FRYL: variants seen among roughly 807,000 people sequenced by gnomAD.
FRYL encodes the protein protein furry homolog-like.
In FRYL, 150 loss-of-function variants were observed where a neutral mutation model predicts 351.2. That is an observed-to-expected ratio of 0.43 (90% CI 0.37 to 0.49). FRYL has a LOEUF of 0.49. Among genes scored for constraint, FRYL ranks in the 20% least tolerant of loss-of-function variants. The probability of loss-of-function intolerance (pLI) is 0.00; values close to 1 mark genes in which losing one functional copy is unlikely to be tolerated. For synonymous variants in FRYL, 1,153 were observed against 1,257.1 expected (o/e 0.92, Z 1.75); for missense variants, 3,036 against 3,619.3 (o/e 0.84, Z 4.13).
intron 4 of FRYL, among the ~76,000 whole-genome samples, chr4:48,625,563 A>G (rs1015546380): frequency 6.6e-5 from 10 of 152,248 alleles, no homozygotes; most frequent in African/African-American, 2.4e-4. Flanking sequence ...CTATTTCTAT[A>G]GCATTTACAT....
At chr4:48,718,057 C>T (rs1351020133) in intron 1 of FRYL, among the ~76,000 whole-genome samples, 1 of 151,620 alleles carries the variant, frequency 6.6e-6, no homozygotes, top group Non-Finnish European at 1.5e-5. Flanking sequence ...AGACAAGCAA[C>T]AAGTTCTGAG....
intron 44 of FRYL, among the ~76,000 whole-genome samples, 191 bp from the exon 45 acceptor site, chr4:48,542,312 T>C (rs1453112100): frequency 4.6e-5 from 7 of 152,230 alleles, no homozygotes; most frequent in Non-Finnish European, 1.0e-4. Context: ...ATTGTAATGG[T>C]GCCACAATTT....
intron 1 of FRYL, among the ~76,000 whole-genome samples, chr4:48,748,164 T>C (rs948718061): frequency 1.3e-5 from 2 of 152,092 alleles, no homozygotes; most frequent in Non-Finnish European, 2.9e-5. Flanking sequence ...GGGGATCATT[T>C]GAACCTGGGA....
chr4:48,513,103 G>C (rs1722823796), intron 56 of FRYL, among the ~76,000 whole-genome samples: 1 of 152,158 alleles, frequency 6.6e-6, no homozygotes, highest in African/African-American at 2.4e-5. Context: ...TAAGGGCTAT[G>C]TTAGGGGCCT....
At chr4:48,755,957 G>A (rs1029722459) in intron 1 of FRYL, among the ~76,000 whole-genome samples, 4 of 151,648 alleles carry the variant, frequency 2.6e-5, no homozygotes, top group Non-Finnish European at 4.4e-5. Flanking sequence ...AAGAGGCCAG[G>A]TTTGGTGGCT....
intron 3 of FRYL, among the ~76,000 whole-genome samples, chr4:48,681,456 T>C (rs975066892): frequency 5.9e-5 from 9 of 152,150 alleles, no homozygotes; most frequent in African/African-American, 1.9e-4. Flanking sequence ...TTTTGAAAAC[T>C]TTCACTGTGA....
At chr4:48,634,636 T>C (rs1022524785) in intron 3 of FRYL, 146 bp from the exon 4 acceptor site, 1 of 520,724 alleles carries the variant, frequency 1.9e-6, no homozygotes, top group Non-Finnish European at 3.4e-6. Context: ...TGTCTATTTC[T>C]AACATACTAA....
chr4:48,730,385 A>C (rs561098539), intron 1 of FRYL, among the ~76,000 whole-genome samples: 2 of 152,300 alleles, frequency 1.3e-5, no homozygotes, highest in South Asian at 2.1e-4. Flanking sequence ...ACAGAGAACA[A>C]CACAAAGATA....
chr4:48,636,599 C>T (rs1360197126), intron 3 of FRYL, among the ~76,000 whole-genome samples: 1 of 151,776 alleles, frequency 6.6e-6, no homozygotes, highest in Non-Finnish European at 1.5e-5. Flanking sequence ...TAAAGCATAA[C>T]CAAATATTCC....
chr4:48,531,172 T>C lies in FRYL; in HGVS notation c.6887A>G (p.His2296Arg), dbSNP rs1319797599. 6.3e-6 allele frequency: 10 copies of C among 1,599,960 alleles called. No individual in the cohort carries two copies. The highest frequency in any genetic ancestry group is 8.6e-6 in the Non-Finnish European group (10 of 1,168,134). The stretch of plus-strand genomic sequence containing the variant: ...GCATCTTACCTCAGATATATCAAAA[T>C]GAAAATCTAAGGTCTTCCCAGGCAA... ...KELPGKTLDF[H>R]FDISETPIIG... Residue 2296 changes from histidine to arginine, a missense_variant, in exon 50 of 64, where the codon CAT becomes CGT. Around this residue, in one of 7 missense-constraint regions of FRYL, gnomAD observed 1,987 missense variants for 2,311.7 expected, o/e 0.86. Coordinates refer to ENST00000358350, the MANE Select transcript of FRYL (RefSeq NM_015030.2).
chr4:48,565,758 T>C (rs1296535588), intron 28 of FRYL, 67 bp from the exon 29 acceptor site: 6 of 1,426,374 alleles, frequency 4.2e-6, no homozygotes, highest in Middle Eastern at 1.8e-4. Context: ...TATACCAACA[T>C]GTTATTGAAT....
intron 13 of FRYL, among the ~76,000 whole-genome samples, chr4:48,597,791 C>G (rs774964936): frequency 6.6e-6 from 1 of 152,060 alleles, no homozygotes; most frequent in Non-Finnish European, 1.5e-5. Flanking sequence ...CATGAAAAAA[C>G]TTGATTTTCA....
At chr4:48,754,509 A>G (rs1773571451) in intron 1 of FRYL, among the ~76,000 whole-genome samples, 2 of 152,144 alleles carry the variant, frequency 1.3e-5, no homozygotes, top group African/African-American at 4.8e-5. Flanking sequence ...TACCTAGGGT[A>G]GAATATTTGA....
chr4:48,734,682 G>C (rs79571128), intron 1 of FRYL, among the ~76,000 whole-genome samples: 1 of 152,232 alleles, frequency 6.6e-6, no homozygotes, highest in East Asian at 1.9e-4. Flanking sequence ...ATAAAAATAC[G>C]TTTAAATCTT....
intron 23 of FRYL, among the ~76,000 whole-genome samples, chr4:48,576,775 TA>T (rs1739712162): frequency 6.6e-6 from 1 of 152,232 alleles, no homozygotes; most frequent in Admixed American, 6.5e-5. Context: ...CCATATTTTA[TA>T]ACTTACTATG....
intron 1 of FRYL, among the ~76,000 whole-genome samples, chr4:48,752,402 C>G (rs1773342293): frequency 1.4e-5 from 1 of 73,578 alleles, no homozygotes; most frequent in South Asian, 4.4e-4. Flanking sequence ...AAAGTATAAT[C>G]ACAATCTGAT....
Position 48,614,815 on chromosome 4 carries a change from CTTTTTTTTT to C in FRYL, c.411+4450_411+4458del, listed in dbSNP as rs369399363. ...CACTACCACTGCCAAAAGTTTAATG[CTTTTTTTTT>C]TTTTTTTTTTTTTTTTTTTTGAGAC... On this transcript the variant is annotated intron_variant, in intron 7 of 63. Transcript: ENST00000358350. 4.0e-4 allele frequency among the ~76,000 whole-genome samples: 27 copies of C among 67,962 alleles called. No homozygotes were observed. The East Asian group carries it at 5.3e-3, about 13-fold the overall frequency. The allele number at this position is 67,962 out of a possible 152,430, so 44.6% of individuals were successfully genotyped here.
intron 15 of FRYL, among the ~76,000 whole-genome samples, chr4:48,594,265 T>C (rs1018964295): frequency 6.6e-6 from 1 of 152,090 alleles, no homozygotes; most frequent in African/African-American, 2.4e-5. Flanking sequence ...ACCAAAATCA[T>C]ATTAAAATCA....
intron 2 of FRYL, among the ~76,000 whole-genome samples, chr4:48,686,369 T>C (rs540181042): frequency 2.0e-5 from 3 of 152,320 alleles, no homozygotes; most frequent in Admixed American, 2.0e-4. Flanking sequence ...CTGTTCATAA[T>C]ATCATTCAAA....
Sources: allele counts gnomAD v4.1 joint callset (sites outside exome capture counted in the v4.1 genomes callset), GRCh38; gene constraint gnomAD v4.1.1; regional missense constraint gnomAD v4.1.1; transcripts MANE v1.5; gene names NCBI Gene and HGNC (gene_info 2026-07-23, HGNC 2026-07-21).